The following ADARB2 variants were observed in gnomAD, a reference collection of about 807,000 sequenced individuals.
The protein encoded by ADARB2 is inactive double-stranded RNA-specific editase B2.
Under a neutral mutation model 62.2 loss-of-function variants are expected in ADARB2, and 25 were observed. The ratio of observed to expected loss-of-function variants is 0.40; its 90% CI spans 0.29 to 0.56. The LOEUF is 0.56. Among genes scored for constraint, ADARB2 ranks in the 20% least tolerant of loss-of-function variants. The pLI, the probability that ADARB2 is intolerant of heterozygous loss-of-function variation, is 0.43. For missense variants in ADARB2, 1,071 were observed against 1,077.4 expected, an observed-to-expected ratio of 0.99 and a Z score of 0.08; for synonymous variants, 572 against 500.8, an observed-to-expected ratio of 1.14 and a Z score of -1.90.
At position 1,642,688 on chromosome 10, in the gene ADARB2, GACACTCAC is replaced by G. The variant is rs563019646; in HGVS notation, c.100+94355_100+94362del. Among the ~76,000 whole-genome samples the G allele has an allele frequency of 3.7e-3, 564 of 151,994 alleles. 4 individuals are homozygous for G. Among genetic ancestry groups the G allele is most frequent in the South Asian group, 0.025 (118 of 4,784 alleles). Reference sequence around the variant, plus strand: ...ATTAGCTCAAGGCCATCTCACCATAGACACTCACACACTCACACACTCACACTCACACA... The same window carrying G: ...ATTAGCTCAAGGCCATCTCACCATAGACACTCACACACTCACACTCACACA... On this transcript the variant is annotated intron_variant, in intron 1 of 9. Transcript: ENST00000381312.
At chr10:1,595,775 G>A (rs199838314) in intron 1 of ADARB2, among the ~76,000 whole-genome samples, 14 of 152,326 alleles carry the variant, frequency 9.2e-5, no homozygotes, top group East Asian at 7.7e-4. Context: ...CATTTGTGCC[G>A]GTCATAATGG....
chr10:1,229,283 G>A (rs181068698), intron 6 of ADARB2, among the ~76,000 whole-genome samples: 8 of 152,294 alleles, frequency 5.3e-5, no homozygotes, highest in Admixed American at 2.6e-4. Flanking sequence ...CAACCCCAGG[G>A]CCCTTGTGTT....
At chr10:1,229,524 C>G (rs374995404) in intron 6 of ADARB2, among the ~76,000 whole-genome samples, 3 of 152,174 alleles carry the variant, frequency 2.0e-5, no homozygotes, top group African/African-American at 4.8e-5. Flanking sequence ...GAAATTTTTT[C>G]TTATGCCCTA....
At chr10:1,185,495 A>AAAAACAAAAC (rs59764134) in intron 8 of ADARB2, among the ~76,000 whole-genome samples, 67 of 150,848 alleles carry the variant, frequency 4.4e-4, no homozygotes, top group African/African-American at 1.4e-3. Flanking sequence ...AGCTGATGAG[A>AAAAACAAAAC]AAAACAAAAC....
intron 1 of ADARB2, among the ~76,000 whole-genome samples, chr10:1,450,352 G>A (rs1831021185): frequency 6.6e-6 from 1 of 152,224 alleles, no homozygotes; most frequent in South Asian, 2.1e-4. Context: ...CTGCTGGAAG[G>A]GTGCTTTTTC....
At position 1,496,146 on chromosome 10, in the gene ADARB2, CCAT is replaced by C. The variant is rs1337358489; in HGVS notation, c.101-116989_101-116987del. ...ATCGTTATCTTAGTCATCATAATCACCATCATTATTAACATAATCATCACCATC... is the reference window on the plus strand; with the variant it reads ...ATCGTTATCTTAGTCATCATAATCACCATTATTAACATAATCATCACCATC... On this transcript the variant is annotated intron_variant, in intron 1 of 9. Transcript: ENST00000381312. 1.1e-4 allele frequency among the ~76,000 whole-genome samples: 16 copies of C among 151,192 alleles called. No individual in the cohort carries two copies. The East Asian group carries it at 2.8e-3, about 26-fold the overall frequency.
intron 1 of ADARB2, among the ~76,000 whole-genome samples, chr10:1,707,481 G>A (rs559599888): frequency 6.6e-6 from 1 of 152,320 alleles, no homozygotes; most frequent in African/African-American, 2.4e-5. Flanking sequence ...TTTTGAATCC[G>A]GTTTCCTAAT....
intron 1 of ADARB2, among the ~76,000 whole-genome samples, chr10:1,406,329 G>A (rs567146398): frequency 6.6e-6 from 1 of 152,322 alleles, no homozygotes; most frequent in South Asian, 2.1e-4. Flanking sequence ...GACACTTGCT[G>A]TCTGTGATCA....
At chr10:1,384,193 T>G (rs1832507251) in intron 1 of ADARB2, among the ~76,000 whole-genome samples, 1 of 152,242 alleles carries the variant, frequency 6.6e-6, no homozygotes, top group East Asian at 1.9e-4. Flanking sequence ...GGATAGACGG[T>G]GCAGAGGAAC....
intron 3 of ADARB2, among the ~76,000 whole-genome samples, chr10:1,341,102 A>G (rs1276023132): frequency 1.3e-5 from 2 of 150,850 alleles, no homozygotes; most frequent in African/African-American, 4.9e-5. Flanking sequence ...AGTGTCCTAC[A>G]GTGGTGATAA....
chr10:1,344,540 G>A (rs186011170), intron 3 of ADARB2, among the ~76,000 whole-genome samples: 4 of 152,204 alleles, frequency 2.6e-5, no homozygotes, highest in Non-Finnish European at 5.9e-5. Context: ...GAGGGGAGAC[G>A]CCTGGGCAGG....
intron 1 of ADARB2, among the ~76,000 whole-genome samples, chr10:1,645,656 G>A (rs1834031208): frequency 6.6e-6 from 1 of 152,130 alleles, no homozygotes; most frequent in Non-Finnish European, 1.5e-5. Flanking sequence ...TGGAGACTCT[G>A]TCACATCTAA....
At chr10:1,534,206 G>A (rs1482552087) in intron 1 of ADARB2, among the ~76,000 whole-genome samples, 1 of 147,704 alleles carries the variant, frequency 6.8e-6, no homozygotes, top group African/African-American at 2.5e-5. Context: ...GCATGATCTT[G>A]GCTCACTGAA....
rs151256912 is a variant in ADARB2 at position 1,537,583 on chromosome 10, CT to C, written c.101-158424del. 5.7e-3 allele frequency among the ~76,000 whole-genome samples: 861 copies of C among 152,282 alleles called. 50 individuals carry two copies. The East Asian group carries it at 0.13, about 24-fold the overall frequency. ...AACCCAAATGCCCATCAATGATAGACTGAACAAAGAAAACATGGCATATATA... is the reference window on the plus strand; with the variant it reads ...AACCCAAATGCCCATCAATGATAGACGAACAAAGAAAACATGGCATATATA... On this transcript the variant is annotated intron_variant, in intron 1 of 9. Transcript: ENST00000381312.
chr10:1,591,727 G>A (rs1833259224), intron 1 of ADARB2, among the ~76,000 whole-genome samples: 1 of 152,106 alleles, frequency 6.6e-6, no homozygotes, highest in Admixed American at 6.5e-5. Flanking sequence ...TGTTGGACGA[G>A]GTGGCAGATT....
At chr10:1,569,758 CA>C (rs968424302) in intron 1 of ADARB2, among the ~76,000 whole-genome samples, 2 of 151,616 alleles carry the variant, frequency 1.3e-5, no homozygotes, top group Non-Finnish European at 2.9e-5. Flanking sequence ...TCTAAAGTAT[CA>C]TTTTTTTTTA....
In ADARB2 at chr10:1,654,101, C is replaced by T. The variant is rs1427383321; in HGVS notation, c.100+82950G>A. 2.0e-5 allele frequency among the ~76,000 whole-genome samples: 3 copies of T among 152,158 alleles called. No individual in the cohort carries two copies. The East Asian group carries it at 5.8e-4, about 29-fold the overall frequency. The stretch of plus-strand genomic sequence containing the variant: ...TCTGGGTCTCCTCTCCACGCCTGCT[C>T]CTTCCCCATCACCCTGTTCTCTGTG... On this transcript the variant is annotated intron_variant, in intron 1 of 9. Coordinates refer to ENST00000381312, the MANE Select transcript of ADARB2 (RefSeq NM_018702.4).
chr10:1,372,878 A>G (rs1477440236), intron 2 of ADARB2, among the ~76,000 whole-genome samples: 3 of 152,186 alleles, frequency 2.0e-5, no homozygotes, highest in African/African-American at 7.2e-5. Context: ...GCAGACGGGG[A>G]ACACTTGCTA....
At chr10:1,285,256 C>A (rs1831402537) in intron 3 of ADARB2, among the ~76,000 whole-genome samples, 1 of 151,972 alleles carries the variant, frequency 6.6e-6, no homozygotes, top group Non-Finnish European at 1.5e-5. Context: ...TTGCACCAGT[C>A]TTTCATGCCT....
Sources: allele counts gnomAD v4.1 joint callset (sites outside exome capture counted in the v4.1 genomes callset), GRCh38; gene constraint gnomAD v4.1.1; transcripts MANE v1.5; gene names NCBI Gene and HGNC (gene_info 2026-07-23, HGNC 2026-07-21).